FRMD6: variants seen among roughly 807,000 people sequenced by gnomAD.
The protein encoded by FRMD6 is FERM domain-containing protein 6.
In FRMD6, 37 loss-of-function variants were observed where a neutral mutation model predicts 73.2. The observed-to-expected ratio is 0.51, with a 90% CI of 0.39 to 0.66. The LOEUF (loss-of-function observed/expected upper bound fraction) is 0.66, where lower values mean the gene tolerates loss of function less well. Among genes scored for constraint, FRMD6 ranks in the 30% least tolerant of loss-of-function variants. The pLI is 0.00. For missense variants in FRMD6, 714 were observed against 780.5 expected (o/e 0.91, Z 1.02); for synonymous variants, 273 against 282.2 (o/e 0.97, Z 0.33).
the FRMD6 span, among the ~76,000 whole-genome samples, chr14:51,426,277 C>T: frequency 6.6e-6 from 1 of 152,088 alleles, no homozygotes; most frequent in East Asian, 1.9e-4. Flanking sequence ...TCCATTCCAT[C>T]CCCTCCAGAT....
At chr14:51,515,966 AGGG>A (rs1884613906) in intron 1 of FRMD6, among the ~76,000 whole-genome samples, 3 of 152,302 alleles carry the variant, frequency 2.0e-5, no homozygotes, top group Admixed American at 1.3e-4. Context: ...AGTAATGCAA[AGGG>A]GTTGAAGGCC....
the FRMD6 span, among the ~76,000 whole-genome samples, chr14:51,467,161 C>T: frequency 2.6e-5 from 4 of 151,992 alleles, no homozygotes; most frequent in African/African-American, 2.4e-5. Context: ...TAGGGAGTGG[C>T]GATGACTCTT....
chr14:51,466,439 G>A, the FRMD6 span, among the ~76,000 whole-genome samples: 1 of 152,158 alleles, frequency 6.6e-6, no homozygotes, highest in Non-Finnish European at 1.5e-5. Flanking sequence ...TGTATTATGT[G>A]AGATGAAAAT....
intron 1 of FRMD6, among the ~76,000 whole-genome samples, chr14:51,528,164 A>G (rs1251619382): frequency 6.6e-6 from 1 of 152,006 alleles, no homozygotes; most frequent in East Asian, 1.9e-4. Context: ...AACAAACAAA[A>G]CAAGAAAGAA....
intron 2 of FRMD6, among the ~76,000 whole-genome samples, chr14:51,611,159 G>A (rs1890479952): frequency 6.6e-6 from 1 of 152,158 alleles, no homozygotes; most frequent in Non-Finnish European, 1.5e-5. Flanking sequence ...TTGGAGAGGG[G>A]AAAAATGGAG....
chr14:51,507,130 A>T (rs1001850088), intron 1 of FRMD6, among the ~76,000 whole-genome samples: 2 of 127,936 alleles, frequency 1.6e-5, no homozygotes, highest in South Asian at 4.9e-4. Context: ...ACACACACAC[A>T]CACACACTGC....
At chr14:51,688,162 G>T (rs1452003453) in intron 1 of FRMD6, among the ~76,000 whole-genome samples, 1 of 151,540 alleles carries the variant, frequency 6.6e-6, no homozygotes, top group East Asian at 1.9e-4. Flanking sequence ...CATAGTTTGT[G>T]GTCCTAGAAC....
At chr14:51,494,914 C>A (rs1485640740) in intron 1 of FRMD6, among the ~76,000 whole-genome samples, 1 of 152,164 alleles carries the variant, frequency 6.6e-6, no homozygotes, top group African/African-American at 2.4e-5. Context: ...ATGTTTTCTC[C>A]CAAATATACG....
the FRMD6 span, among the ~76,000 whole-genome samples, chr14:51,480,427 C>G: frequency 6.6e-6 from 1 of 152,142 alleles, no homozygotes; most frequent in Non-Finnish European, 1.5e-5. Context: ...CCTCTCCAAT[C>G]TTCTTTTAGC....
At chr14:51,457,475 C>T in the FRMD6 span, among the ~76,000 whole-genome samples, 1 of 152,112 alleles carries the variant, frequency 6.6e-6, no homozygotes, top group African/African-American at 2.4e-5. Context: ...ATTTCAGGTC[C>T]TTGCTTTGTA....
At chr14:51,423,517 T>C in the FRMD6 span, among the ~76,000 whole-genome samples, 1 of 152,164 alleles carries the variant, frequency 6.6e-6, no homozygotes, top group African/African-American at 2.4e-5. Flanking sequence ...CTGAGATGGC[T>C]CACCCCTTCT....
upstream of FRMD6, among the ~76,000 whole-genome samples, chr14:51,487,435 G>A (rs1326910361): frequency 6.6e-6 from 1 of 152,196 alleles, no homozygotes; most frequent in Non-Finnish European, 1.5e-5. Flanking sequence ...TTCAGACTCT[G>A]ATTTACATAC....
At chr14:51,654,919 T>A (rs1892713073) in intron 1 of FRMD6, among the ~76,000 whole-genome samples, 1 of 152,154 alleles carries the variant, frequency 6.6e-6, no homozygotes, top group Non-Finnish European at 1.5e-5. Context: ...AATGCCCTAG[T>A]TTGGTAGATG....
chr14:51,721,994 A>G lies in FRMD6; in HGVS notation c.1406A>G (p.Asn469Ser), dbSNP rs759498907. Residue 469 changes from asparagine to serine, a missense_variant, in exon 12 of 14, where the codon AAT becomes AGT. Asn to Ser is a conservative substitution (Grantham distance 46). Transcript: ENST00000344768. ...GACCCCCGGGATCTGGAGCAGATGA[A>G]TGAAGAGTCTCTGGAAGTCAGCCCA... The part of the protein sequence containing the change: ...VDDPRDLEQM[N>S]EESLEVSPDM... 3 of 1,614,002 alleles carry G rather than the reference A, an allele frequency of 1.9e-6. No individual in the cohort carries two copies. The highest frequency in any genetic ancestry group is 2.2e-5 in the East Asian group (1 of 44,898).
chr14:51,650,899 G>C (rs977366171), upstream of FRMD6: 3 of 152,380 alleles, frequency 2.0e-5, no homozygotes, highest in Admixed American at 6.5e-5. Context: ...TAGAAAGGCA[G>C]AAGCCCAGGA....
chr14:51,596,144 T>C (rs1889701143), intron 2 of FRMD6, among the ~76,000 whole-genome samples: 1 of 152,168 alleles, frequency 6.6e-6, no homozygotes, highest in Non-Finnish European at 1.5e-5. Context: ...GAGTGACCTA[T>C]TATTTTTGTG....
the FRMD6 span, among the ~76,000 whole-genome samples, chr14:51,411,033 AC>A: frequency 6.6e-6 from 1 of 152,054 alleles, no homozygotes; most frequent in South Asian, 2.1e-4. Context: ...CAGTTAGTTA[AC>A]CCCTGTCTTT....
At chr14:51,423,457 G>A in the FRMD6 span, among the ~76,000 whole-genome samples, 2 of 152,222 alleles carry the variant, frequency 1.3e-5, no homozygotes, top group Admixed American at 6.5e-5. Context: ...CTTTTGCATG[G>A]TGGTGTTACT....
chr14:51,540,884 A>G (rs1886167701), intron 1 of FRMD6, among the ~76,000 whole-genome samples: 1 of 152,194 alleles, frequency 6.6e-6, no homozygotes. Flanking sequence ...CTAGGAATTC[A>G]TATTGAAACA....
Sources: allele counts gnomAD v4.1 joint callset (sites outside exome capture counted in the v4.1 genomes callset), GRCh38; gene constraint gnomAD v4.1.1; transcripts MANE v1.5; gene names NCBI Gene and HGNC (gene_info 2026-07-23, HGNC 2026-07-21).